Variants in NEDD9 observed in about 807,000 individuals in gnomAD.
The protein encoded by NEDD9 is neural precursor cell expressed, developmentally down-regulated 9.
A neutral mutation model predicts 76.6 loss-of-function variants in NEDD9; 26 were observed. The ratio of observed to expected loss-of-function variants is 0.34; its 90% CI spans 0.25 to 0.47. The LOEUF is 0.47. Among genes scored for constraint, NEDD9 ranks in the 20% least tolerant of loss-of-function variants. The probability of loss-of-function intolerance (pLI) is 1.00; values close to 1 mark genes in which losing one functional copy is unlikely to be tolerated. For missense variants in NEDD9, 937 were observed against 1,058.5 expected (o/e 0.89, Z 1.59); for synonymous variants, 392 against 414.2 (o/e 0.95, Z 0.65).
intron 3 of NEDD9, among the ~76,000 whole-genome samples, chr6:11,240,205 G>A (rs1759686083): frequency 6.6e-6 from 1 of 152,080 alleles, no homozygotes; most frequent in Non-Finnish European, 1.5e-5. Flanking sequence ...TGGGTGGGGC[G>A]CTAGGCAGCA....
chr6:11,313,801 T>C (rs1204608992), intron 2 of NEDD9, among the ~76,000 whole-genome samples: 1 of 152,222 alleles, frequency 6.6e-6, no homozygotes, highest in Non-Finnish European at 1.5e-5. Flanking sequence ...TTTAATTCTT[T>C]TATTATTTTG....
intron 2 of NEDD9, among the ~76,000 whole-genome samples, chr6:11,311,800 T>A (rs912258643): frequency 6.6e-6 from 1 of 152,136 alleles, no homozygotes; most frequent in African/African-American, 2.4e-5. Flanking sequence ...GTTCCTCCGT[T>A]TTCACTGGTG....
chr6:11,379,666 TA>T (rs201939089), intron 1 of NEDD9, among the ~76,000 whole-genome samples: 13 of 147,442 alleles, frequency 8.8e-5, no homozygotes, highest in East Asian at 3.9e-4. Flanking sequence ...TCCTACAAAT[TA>T]AAAAAAAAAC....
At chr6:11,228,257 G>A (rs7765644) in intron 1 of NEDD9, among the ~76,000 whole-genome samples, 1 of 152,156 alleles carries the variant, frequency 6.6e-6, no homozygotes, top group Admixed American at 6.5e-5. Context: ...AAGGCCGGGT[G>A]CGGTGGCTCA....
At chr6:11,232,478 G>C in intron 1 of NEDD9, 26 bp downstream of exon 1, 2 of 1,614,110 alleles carry the variant, frequency 1.2e-6, no homozygotes, top group African/African-American at 1.3e-5. Context: ...AGCTTGCAAG[G>C]TAACCTGTAA....
Position 11,231,589 on chromosome 6 carries a change from T to C in NEDD9, c.12+915A>G, listed in dbSNP as rs141423864. Among the ~76,000 whole-genome samples, 1,355 of 152,324 alleles carry C rather than the reference T, an allele frequency of 8.9e-3. 19 individuals are homozygous for C. The highest frequency in any genetic ancestry group is 0.031 in the African/African-American group (1,287 of 41,574). On this transcript the variant is annotated intron_variant, in intron 1 of 6. Transcript: ENST00000379446. Reference sequence around the variant, plus strand: ...TTTAAAATAGCATAAAATAAAATAGTAGCACTAGCACTCATGTCTATTCAT... The same window carrying C: ...TTTAAAATAGCATAAAATAAAATAGCAGCACTAGCACTCATGTCTATTCAT...
intron 2 of NEDD9, among the ~76,000 whole-genome samples, chr6:11,327,547 A>G (rs552323359): frequency 1.3e-5 from 2 of 152,354 alleles, no homozygotes; most frequent in African/African-American, 4.8e-5. Context: ...TGGAGGTTGA[A>G]AGCCACGTTA....
At chr6:11,238,025 G>A (rs1457056223) in intron 3 of NEDD9, among the ~76,000 whole-genome samples, 1 of 152,166 alleles carries the variant, frequency 6.6e-6, no homozygotes, top group South Asian at 2.1e-4. Context: ...AACTTTTCCA[G>A]TCTTTTACAA....
intron 3 of NEDD9, among the ~76,000 whole-genome samples, chr6:11,291,049 C>T (rs1317338197): frequency 6.6e-6 from 1 of 152,040 alleles, no homozygotes; most frequent in Non-Finnish European, 1.5e-5. Flanking sequence ...GATACTGGAG[C>T]CCATGATGGA....
At chr6:11,211,957 T>C (rs1758797816) in intron 2 of NEDD9, among the ~76,000 whole-genome samples, 1 of 14,110 alleles carries the variant, frequency 7.1e-5, no homozygotes, top group African/African-American at 4.8e-4. Flanking sequence ...CACTAAGGGC[T>C]CTCCACAGGG....
chr6:11,334,687 C>T (rs1259971058), intron 1 of NEDD9: 2 of 152,172 alleles, frequency 1.3e-5, no homozygotes, highest in South Asian at 2.1e-4. Flanking sequence ...GGGCATTTCT[C>T]GCTTTATGTT....
intron 3 of NEDD9, among the ~76,000 whole-genome samples, chr6:11,283,066 C>T (rs1172050578): frequency 6.6e-6 from 1 of 152,194 alleles, no homozygotes; most frequent in East Asian, 1.9e-4. Flanking sequence ...ATGACCTTGG[C>T]ATTTGCCAGT....
chr6:11,379,430 A>C (rs545089132), intron 1 of NEDD9, among the ~76,000 whole-genome samples: 146 of 152,118 alleles, frequency 9.6e-4, no homozygotes, highest in Middle Eastern at 3.4e-3. Flanking sequence ...TCTACTAAAA[A>C]CACAAAAATT....
chr6:11,194,962 G>A lies in NEDD9; in HGVS notation c.460-1270C>T, dbSNP rs528785613. The stretch of plus-strand genomic sequence containing the variant: ...GAGTCATTGAGTGCCCATCTCAAGC[G>A]TTGCCCACGACATCTTTGAGGAGAA... On this transcript the variant is annotated intron_variant, in intron 2 of 6. Transcript: ENST00000379446. Among the ~76,000 whole-genome samples the A allele has an allele frequency of 6.4e-4, 97 of 152,298 alleles. 1 individual carries two copies. The highest frequency in any genetic ancestry group is 1.1e-3 in the Non-Finnish European group (78 of 68,020).
chr6:11,247,676 T>G (rs1759835842), intron 3 of NEDD9, among the ~76,000 whole-genome samples: 1 of 152,232 alleles, frequency 6.6e-6, no homozygotes. Context: ...ACTGACTTCA[T>G]GCATTTTTAT....
intron 2 of NEDD9, chr6:11,201,116 AG>A: frequency 1.3e-6 from 2 of 1,588,414 alleles, no homozygotes; most frequent in Non-Finnish European, 1.7e-6. Flanking sequence ...GGTCTCAGCA[AG>A]TCTCCTTGGG....
At chr6:11,235,281 CTA>C (rs1489752737), upstream of NEDD9, among the ~76,000 whole-genome samples, 2 of 151,920 alleles carry the variant, frequency 1.3e-5, no homozygotes, top group East Asian at 1.9e-4. This position sits in a 1 kb window ranked among gnomAD's most constrained non-coding sequence, Gnocchi z 4.1. Flanking sequence ...TTAATTATAA[CTA>C]GTATTAATAT....
chr6:11,261,869 CCAGA>C (rs1390521557), intron 3 of NEDD9, among the ~76,000 whole-genome samples: 1 of 152,156 alleles, frequency 6.6e-6, no homozygotes. Flanking sequence ...TTGCAGACCA[CCAGA>C]CAGTCATTAT....
chr6:11,366,716 A>G (rs907176169), intron 1 of NEDD9, among the ~76,000 whole-genome samples: 1 of 152,216 alleles, frequency 6.6e-6, no homozygotes, highest in African/African-American at 2.4e-5. Flanking sequence ...TTGCCTCGTC[A>G]TTGAATGAGC....
Sources: allele counts gnomAD v4.1 joint callset (sites outside exome capture counted in the v4.1 genomes callset), GRCh38; gene constraint gnomAD v4.1.1; non-coding constraint Gnocchi (gnomAD v3.1); transcripts MANE v1.5; gene names NCBI Gene and HGNC (gene_info 2026-07-23, HGNC 2026-07-21).